CCAR2: variants seen among roughly 807,000 people sequenced by gnomAD.
CCAR2 encodes cell cycle and apoptosis regulator protein 2.
A neutral mutation model predicts 108.1 loss-of-function variants in CCAR2; 21 were observed. The observed-to-expected ratio is 0.19, with a 90% CI of 0.14 to 0.28. The LOEUF is 0.28. Ranked by LOEUF, CCAR2 falls within the 10% of genes least tolerant of loss-of-function variation. The pLI is 1.00. For synonymous variants in CCAR2, 577 were observed against 472.8 expected (o/e 1.22, Z -2.86); for missense variants, 1,126 against 1,177.0 (o/e 0.96, Z 0.63).
chr8:22,620,965 C>G (rs1320983300), downstream of CCAR2: 2 of 153,932 alleles, frequency 1.3e-5, no homozygotes, highest in African/African-American at 4.8e-5. Flanking sequence ...AGCTCTCCCG[C>G]ACAGGGTTCA....
At chr8:22,621,382 G>A, downstream of CCAR2, 1 of 1,591,402 alleles carries the variant, frequency 6.3e-7, no homozygotes. Flanking sequence ...GATGAATGAG[G>A]CTGACCACGT....
rs1209486527 is a variant in CCAR2 at position 22,619,395 on chromosome 8, C to G, written c.2727+40C>G. ...GACCAGGAGGCAGCACAGCTCCTTT[C>G]CCTGAGCTCCAAAAGTCCCCAGAAG... On this transcript the variant is annotated intron_variant, in intron 20 of 20. Coordinates refer to ENST00000308511, the MANE Select transcript of CCAR2 (RefSeq NM_001393997.1). 3.9e-6 allele frequency: 6 copies of G among 1,541,278 alleles called. No individual in the cohort carries two copies. The South Asian group carries it at 6.0e-5, about 15-fold the overall frequency.
In CCAR2 at chr8:22,616,186, G is replaced by A. The variant is rs1427638341; in HGVS notation, c.1783G>A (p.Val595Ile). Reference protein sequence around the residue: ...KEEEAIKEEVVKEPKDEAQNE... With the variant: ...KEEEAIKEEVIKEPKDEAQNE... ...GGAAGAAGCCATCAAAGAGGAGGTG[G>A]TCAAGGAGCCCAAGGATGAGGCACA... The change falls in exon 14 of 21, where the codon GTC becomes ATC. Residue 595 changes from valine (V) to isoleucine (I), a missense_variant. By Grantham distance (29) the Val-to-Ile change is conservative (BLOSUM62 3). Transcript: ENST00000308511. 6.2e-7 allele frequency: 1 copy of A among 1,613,820 alleles called. No individual in the cohort carries two copies. The highest frequency in any genetic ancestry group is 8.5e-7 in the Non-Finnish European group (1 of 1,180,034).
chr8:22,613,457 T>C (rs1437916802), intron 8 of CCAR2, among the ~76,000 whole-genome samples: 3 of 152,066 alleles, frequency 2.0e-5, no homozygotes, highest in Non-Finnish European at 2.9e-5. Context: ...CTAAATTTTC[T>C]TGGAATGAAC....
Position 22,606,706 on chromosome 8 carries a change from T to A in CCAR2, c.242+8T>A. On this transcript the variant is annotated splice_region_variant and intron_variant, in intron 4 of 20. Transcript: ENST00000308511. Reference sequence around the variant, plus strand: ...GGTCTTTTTTCAGCTAAGGTAGGCTTGAGGTTGGTCCCCTAACGGAAATGC... The same window carrying A: ...GGTCTTTTTTCAGCTAAGGTAGGCTAGAGGTTGGTCCCCTAACGGAAATGC... The A allele has an allele frequency of 6.2e-7, 1 of 1,611,466 alleles. No homozygotes were observed. Among genetic ancestry groups the A allele is most frequent in the East Asian group, 2.2e-5 (1 of 44,878 alleles).
At position 22,613,150 on chromosome 8, in the gene CCAR2, C is replaced by G. The variant is rs200331986; in HGVS notation, c.704+14C>G. 5 of 1,557,718 alleles carry G rather than the reference C, an allele frequency of 3.2e-6. No individual in the cohort carries two copies. The highest frequency in any genetic ancestry group is 4.3e-6 in the Non-Finnish European group (5 of 1,151,338). On this transcript the variant is annotated intron_variant, in intron 8 of 20. Coordinates refer to ENST00000308511, the MANE Select transcript of CCAR2 (RefSeq NM_001393997.1). The stretch of plus-strand genomic sequence containing the variant: ...CACTGTGGACAGGTGAGTGGCGAGG[C>G]TGAGGTGGGCTGAGTCTTGCTGCTG...
At position 22,606,663 on chromosome 8, in the gene CCAR2, T is replaced by C. The variant is rs759747403; in HGVS notation, c.207T>C (p.Phe69=). The C allele has an allele frequency of 1.9e-6, 3 of 1,614,198 alleles. No homozygotes were observed. Among genetic ancestry groups the C allele is most frequent in the Non-Finnish European group, 2.5e-6 (3 of 1,180,022 alleles). ...TTGTTACCAGCTTGCATGACTACTTTGGGGTTGTGGATGAAGAGGTCTTTT... is the reference window on the plus strand; with the variant it reads ...TTGTTACCAGCTTGCATGACTACTTCGGGGTTGTGGATGAAGAGGTCTTTT... ...TGIVTSLHDY[F]GVVDEEVFFQ... The change falls in exon 4 of 21, where the codon TTT becomes TTC. Residue 69 remains phenylalanine (F), a synonymous_variant. Transcript: ENST00000308511.
chr8:22,608,854 CCTT>C (rs1289309584), intron 7 of CCAR2, among the ~76,000 whole-genome samples: 2 of 152,084 alleles, frequency 1.3e-5, no homozygotes, highest in Non-Finnish European at 2.9e-5. Flanking sequence ...GTGTGAGGAA[CCTT>C]ATTATACCCA....
chr8:22,609,980 T>C (rs762704956), intron 7 of CCAR2, among the ~76,000 whole-genome samples: 1 of 152,154 alleles, frequency 6.6e-6, no homozygotes, highest in Non-Finnish European at 1.5e-5. Flanking sequence ...AAAGGAAATG[T>C]TTATTGAGCA....
In CCAR2 at chr8:22,618,471, T is replaced by C; in HGVS notation, c.2196T>C (p.Leu732=). 1 of 1,614,198 alleles carries C rather than the reference T, an allele frequency of 6.2e-7. No individual in the cohort carries two copies. The stretch of plus-strand genomic sequence containing the variant: ...ACTTAGAGAGGATCCTCCTTACCCT[T>C]GGGATCCGGCTCAGTGCAGAGCAGG... ...RRDLERILLT[L]GIRLSAEQAK... The change falls in exon 17 of 21, where the codon CTT becomes CTC. Residue 732 remains leucine, a synonymous_variant. Transcript: ENST00000308511.
At position 22,616,068 on chromosome 8, in the gene CCAR2, A is replaced by C; in HGVS notation, c.1665A>C (p.Arg555Ser). 1.9e-6 allele frequency: 3 copies of C among 1,613,936 alleles called. No homozygotes were observed. The highest frequency in any genetic ancestry group is 1.1e-5 in the South Asian group (1 of 91,058). Residue 555 changes from arginine (R) to serine (S), a missense_variant, in exon 14 of 21, where the codon AGA (arginine) becomes AGC (serine). By Grantham distance (110) the Arg-to-Ser change is moderately radical. Around this residue, in one of 4 missense-constraint regions of CCAR2, gnomAD observed 1,013 missense variants for 993.9 expected, o/e 1.02. Transcript: ENST00000308511. The part of the protein sequence containing the change: ...LEMLQRDFGY[R>S]VYKMLLSLPE... ...TGCTCCAGAGGGATTTTGGCTATAGAGTTTATAAGATGCTACTGAGCCTTC... is the reference window on the plus strand; with the variant it reads ...TGCTCCAGAGGGATTTTGGCTATAGCGTTTATAAGATGCTACTGAGCCTTC...
chr8:22,615,284 C>G, intron 11 of CCAR2, 141 bp from the exon 12 acceptor site: 2 of 1,106,546 alleles, frequency 1.8e-6, no homozygotes, highest in East Asian at 2.4e-5. Flanking sequence ...TGGTCTGTAG[C>G]TTTCCTGTTG....
downstream of CCAR2, chr8:22,621,056 G>C (rs1009687155): frequency 1.1e-5 from 2 of 189,960 alleles, no homozygotes; most frequent in African/African-American, 2.4e-5. Flanking sequence ...GTCTTTTGGA[G>C]GTAGATTTGA....
At chr8:22,613,219 A>T in intron 8 of CCAR2, 83 bp downstream of exon 8, 3 of 1,365,174 alleles carry the variant, frequency 2.2e-6, no homozygotes, top group Non-Finnish European at 2.9e-6. Context: ...ATGCAAGTGC[A>T]CATGTATGTT....
intron 14 of CCAR2, 84 bp downstream of exon 14, chr8:22,616,332 G>T: frequency 3.1e-6 from 4 of 1,307,614 alleles, no homozygotes; most frequent in Non-Finnish European, 4.4e-6. Flanking sequence ...AGCGCTTCCT[G>T]TGCCTTAGCT....
chr8:22,612,337 G>C (rs1333621057), intron 7 of CCAR2, among the ~76,000 whole-genome samples: 1 of 151,438 alleles, frequency 6.6e-6, no homozygotes, highest in Admixed American at 6.6e-5. Flanking sequence ...GTGCAACCTT[G>C]GCTCACTGCA....
In CCAR2 at chr8:22,618,677, T is replaced by G; in HGVS notation, c.2281T>G (p.Tyr761Asp). ...CATCTGCCAGTACCGGAGCCTTCAG[T>G]ACAGCCGCCAGGAGGGCCTGGATGG... Reference protein sequence around the residue: ...QNICQYRSLQYSRQEGLDGGL... With the variant: ...QNICQYRSLQDSRQEGLDGGL... Residue 761 changes from tyrosine to aspartate, a missense_variant, in exon 18 of 21, where the codon TAC becomes GAC. By Grantham distance (160) the Tyr-to-Asp change is radical (BLOSUM62 -3). Around this residue, in one of 4 missense-constraint regions of CCAR2, gnomAD observed 1,013 missense variants for 993.9 expected, o/e 1.02. Coordinates refer to ENST00000308511, the MANE Select transcript of CCAR2 (RefSeq NM_001393997.1). 1 of 1,614,046 alleles carries G rather than the reference T, an allele frequency of 6.2e-7. No individual in the cohort carries two copies. Among genetic ancestry groups the G allele is most frequent in the Non-Finnish European group, 8.5e-7 (1 of 1,180,024 alleles).
chr8:22,615,978 C>CTGA, intron 13 of CCAR2, 34 bp from the exon 14 acceptor site: 1 of 1,612,942 alleles, frequency 6.2e-7, no homozygotes, highest in Non-Finnish European at 8.5e-7. Context: ...GTCTTTCTTC[C>CTGA]TGATGCTCAT....
At chr8:22,605,931 C>T (rs1043393022) in intron 2 of CCAR2, 100 bp downstream of exon 2, 5 of 1,353,492 alleles carry the variant, frequency 3.7e-6, no homozygotes, top group African/African-American at 2.9e-5. Context: ...GCTGATGTTC[C>T]TCTGGAAAGC....
Sources: allele counts gnomAD v4.1 joint callset (sites outside exome capture counted in the v4.1 genomes callset), GRCh38; gene constraint gnomAD v4.1.1; regional missense constraint gnomAD v4.1.1; transcripts MANE v1.5; gene names NCBI Gene and HGNC (gene_info 2026-07-23, HGNC 2026-07-21).